AHI1: variants seen among roughly 807,000 people sequenced by gnomAD.
AHI1 encodes the protein Abelson helper integration site 1, also known as jouberin.
A neutral mutation model predicts 149.3 loss-of-function variants in AHI1; 123 were observed. The observed-to-expected ratio is 0.82, with a 90% CI of 0.71 to 0.96. AHI1 has a LOEUF of 0.96. AHI1 is among the 40% of genes least tolerant of loss of function. The pLI, the probability that AHI1 is intolerant of heterozygous loss-of-function variation, is 0.00. For missense variants in AHI1, 1,439 were observed against 1,422.7 expected (o/e 1.01, Z -0.18); for synonymous variants, 475 against 459.8 (o/e 1.03, Z -0.42).
chr6:135,435,019 A>G (rs760465541), intron 15 of AHI1: 4 of 152,192 alleles, frequency 2.6e-5, no homozygotes, highest in South Asian at 2.1e-4. Flanking sequence ...GACACTAACA[A>G]TAATATGTGT....
rs1364078484 is a variant in AHI1, at chr6:135,404,927, T to C, written c.2988+24A>G. On this transcript the variant is annotated intron_variant, in intron 22 of 28. Coordinates refer to ENST00000265602, the MANE Select transcript of AHI1 (RefSeq NM_001134831.2). ...GCATCACTATACCTTTGAAGTTATC[T>C]TCCTGGTAATAAAAACTACTTACTT... 7 of 1,603,990 alleles carry C rather than the reference T, an allele frequency of 4.4e-6. No individual in the cohort carries two copies. In the African/African-American group the frequency reaches 6.7e-5, roughly 15 times the overall value.
intron 14 of AHI1, among the ~76,000 whole-genome samples, chr6:135,442,141 C>T (rs1027210752): frequency 3.3e-5 from 5 of 152,056 alleles, no homozygotes; most frequent in Admixed American, 6.5e-5. Flanking sequence ...ACTTCTCTAT[C>T]ATAATGAGAA....
intron 5 of AHI1, chr6:135,474,580 C>T (rs953363528): frequency 2.6e-5 from 4 of 151,940 alleles, no homozygotes; most frequent in Admixed American, 2.0e-4. Context: ...TGAAAAATCC[C>T]TTGAGATAAC....
At chr6:135,452,939 A>G (rs776274641) in intron 11 of AHI1, among the ~76,000 whole-genome samples, 1 of 152,204 alleles carries the variant, frequency 6.6e-6, no homozygotes, top group African/African-American at 2.4e-5. Flanking sequence ...AAAAATTTAT[A>G]ATTAAATGAT....
At chr6:135,340,989 A>C (rs1409156673) in intron 24 of AHI1, among the ~76,000 whole-genome samples, 3 of 151,726 alleles carry the variant, frequency 2.0e-5, no homozygotes, top group Non-Finnish European at 4.4e-5. Flanking sequence ...TTAAAATTAT[A>C]TAGTAAAAAA....
At chr6:135,289,439 G>A (rs562957648) in intron 28 of AHI1, among the ~76,000 whole-genome samples, 64 of 152,028 alleles carry the variant, frequency 4.2e-4, no homozygotes, top group Non-Finnish European at 7.6e-4. Flanking sequence ...AGACTGCAGT[G>A]AGCTGAGATT....
intron 26 of AHI1, among the ~76,000 whole-genome samples, chr6:135,312,190 T>A (rs952752504): frequency 3.3e-5 from 5 of 152,284 alleles, no homozygotes; most frequent in Admixed American, 6.5e-5. Flanking sequence ...AACTTACACA[T>A]GAAGAAGGGT....
chr6:135,457,315 C>G (rs1302485004), intron 9 of AHI1, among the ~76,000 whole-genome samples, 179 bp downstream of exon 9: 1 of 152,154 alleles, frequency 6.6e-6, no homozygotes, highest in African/African-American at 2.4e-5. Flanking sequence ...TAGATGTTCT[C>G]CATTTCTTCT....
intron 23 of AHI1, among the ~76,000 whole-genome samples, chr6:135,370,820 G>A (rs60568833): frequency 2.0e-5 from 3 of 151,632 alleles, no homozygotes; most frequent in East Asian, 3.9e-4. Flanking sequence ...TCTTGTTTTC[G>A]GTCTATTTCA....
At chr6:135,372,508 GAAAAAAAAAGAAA>G (rs575119792) in intron 23 of AHI1, among the ~76,000 whole-genome samples, 1,970 of 96,274 alleles carry the variant, frequency 0.02, 22 homozygotes, top group Non-Finnish European at 0.024. Flanking sequence ...GTCTCTACCG[GAAAAAAAAAGAAA>G]AAAAAAAAAG....
chr6:135,357,041 C>T (rs558077707), intron 24 of AHI1, among the ~76,000 whole-genome samples: 10 of 152,230 alleles, frequency 6.6e-5, no homozygotes, highest in East Asian at 3.9e-4. Context: ...TGGGTTCAAG[C>T]GATTCCCCTG....
intron 5 of AHI1, among the ~76,000 whole-genome samples, chr6:135,483,399 A>C (rs1794018691): frequency 6.6e-6 from 1 of 152,170 alleles, no homozygotes; most frequent in South Asian, 2.1e-4. Context: ...CACTGCACAA[A>C]ACAAAAAGTT....
chr6:135,403,244 C>T (rs892158450), intron 22 of AHI1, among the ~76,000 whole-genome samples: 1 of 152,042 alleles, frequency 6.6e-6, no homozygotes, highest in Admixed American at 6.6e-5. Context: ...GTAGGGATGG[C>T]TGCAAAACTT....
intron 10 of AHI1, 111 bp from the exon 11 acceptor site, chr6:135,453,547 T>C: frequency 1.3e-6 from 1 of 763,856 alleles, no homozygotes; most frequent in Non-Finnish European, 2.1e-6. Context: ...CATTAACCTT[T>C]ACAGGGAATA....
chr6:135,399,814 C>T (rs1779761134), intron 22 of AHI1, among the ~76,000 whole-genome samples: 1 of 151,338 alleles, frequency 6.6e-6, no homozygotes, highest in African/African-American at 2.4e-5. Flanking sequence ...CTAGATTGCT[C>T]ACCACGCTCC....
intron 26 of AHI1, among the ~76,000 whole-genome samples, chr6:135,308,366 G>T (rs1007741099): frequency 6.6e-6 from 1 of 152,086 alleles, no homozygotes; most frequent in Non-Finnish European, 1.5e-5. Flanking sequence ...CTCCCAAGCA[G>T]CTGGGACTAC....
chr6:135,312,689 TG>T (rs1785381153), intron 26 of AHI1, among the ~76,000 whole-genome samples: 1 of 152,174 alleles, frequency 6.6e-6, no homozygotes, highest in Admixed American at 6.5e-5. Context: ...TGGAGGAAAA[TG>T]GGCACTGGCC....
At chr6:135,340,035 C>T (rs745734725) in intron 24 of AHI1, among the ~76,000 whole-genome samples, 22 of 152,032 alleles carry the variant, frequency 1.4e-4, no homozygotes, top group African/African-American at 5.1e-4. Context: ...GCAGACTCAA[C>T]CAAGAGTTCA....
rs1017983212 is a variant in AHI1, at chr6:135,465,856, T to G, written c.707A>C (p.Lys236Thr). The G allele has an allele frequency of 1.3e-6, 2 of 1,487,276 alleles. No homozygotes were observed. The highest frequency in any genetic ancestry group is 2.8e-5 in the African/African-American group (2 of 70,916). The allele number at this position is 1,487,276 out of a possible 1,614,324, so 92.1% of individuals were successfully genotyped here. A position where few individuals can be genotyped will look rare whatever the true frequency, so the allele number is the denominator to read the frequency against. Residue 236 changes from lysine (K) to threonine (T), a missense_variant, in exon 7 of 29, where the codon AAA (lysine) becomes ACA (threonine). Transcript: ENST00000265602. ...GAAGACTGGAACTTCCTTTTTCTTTTTCCTTTTTTCACTGCTTAGTTTGTC... is the reference window on the plus strand; with the variant it reads ...GAAGACTGGAACTTCCTTTTTCTTTGTCCTTTTTTCACTGCTTAGTTTGTC... ...HDDKLSSEKR[K>T]KKKEVPVFSK...
Sources: allele counts gnomAD v4.1 joint callset (sites outside exome capture counted in the v4.1 genomes callset), GRCh38; gene constraint gnomAD v4.1.1; transcripts MANE v1.5; gene names NCBI Gene and HGNC (gene_info 2026-07-23, HGNC 2026-07-21).